TRIOBP: variants seen among roughly 807,000 people sequenced by gnomAD.
The protein encoded by TRIOBP is TRIO and F-actin-binding protein.
TRIOBP carries 169 observed loss-of-function variants against 238.8 expected under a neutral mutation model. The ratio of observed to expected loss-of-function variants is 0.71; its 90% CI spans 0.62 to 0.80. The LOEUF (loss-of-function observed/expected upper bound fraction) is 0.80. TRIOBP is among the 30% of genes least tolerant of loss of function. TRIOBP has a pLI of 0.00. For synonymous variants in TRIOBP, 1,150 were observed against 1,274.4 expected, an observed-to-expected ratio of 0.90 and a Z score of 2.08; for missense variants, 2,838 against 3,122.6, an observed-to-expected ratio of 0.91 and a Z score of 2.17.
At chr22:37,742,908 T>A (rs1471115735) in intron 11 of TRIOBP, among the ~76,000 whole-genome samples, 1 of 152,156 alleles carries the variant, frequency 6.6e-6, no homozygotes, top group African/African-American at 2.4e-5. Flanking sequence ...TTACAGATGA[T>A]GAAGTGAAGC....
At chr22:37,773,100 C>T (rs989559126) in intron 23 of TRIOBP, among the ~76,000 whole-genome samples, 1 of 152,246 alleles carries the variant, frequency 6.6e-6, no homozygotes, top group Admixed American at 6.5e-5. Context: ...GAGCTTCACA[C>T]ACACACATCG....
At chr22:37,747,368 C>T (rs763888187) in intron 11 of TRIOBP, among the ~76,000 whole-genome samples, 2 of 152,136 alleles carry the variant, frequency 1.3e-5, no homozygotes, top group East Asian at 1.9e-4. Flanking sequence ...CCCAGTGGCC[C>T]TCCTGGGGGA....
At position 37,773,830 on chromosome 22, in the gene TRIOBP, C is replaced by T. The variant is rs1926899504; in HGVS notation, c.*50C>T. On this transcript the variant is annotated 3_prime_UTR_variant, in exon 24 of 24. Transcript: ENST00000644935. ...CCAGGCTGGAGGACCAGCCGCCCTCCTTCCCTCCTGGATGGAAGTAAAAAG... is the reference window on the plus strand; with the variant it reads ...CCAGGCTGGAGGACCAGCCGCCCTCTTTCCCTCCTGGATGGAAGTAAAAAG... The T allele has an allele frequency of 6.5e-6, 1 of 152,824 alleles. No individual in the cohort carries two copies. Among genetic ancestry groups the T allele is most frequent in the Non-Finnish European group, 1.5e-5 (1 of 68,220 alleles). The allele number at this position is 152,824 out of a possible 1,614,324, so 9.5% of individuals were successfully genotyped here.
chr22:37,746,048 G>GCCGTCCCGCCGTCCCA (rs1925223757), intron 11 of TRIOBP, among the ~76,000 whole-genome samples: 1 of 60,438 alleles, frequency 1.7e-5, no homozygotes, highest in South Asian at 5.4e-4. Flanking sequence ...CGCCCACCCC[G>GCCGTCCCGCCGTCCCA]CCGTCCCGCC....
At position 37,726,028 on chromosome 22, in the gene TRIOBP, C is replaced by T. The variant is rs1924134443; in HGVS notation, c.3472C>T (p.Pro1158Ser). ...TTCCATGGACTCTCTGCACGAGTGC[C>T]CCCACATCCCCACCCCTGTGTGCAT... ...VPSMDSLHEC[P>S]HIPTPVCIGH... is the part of the protein sequence containing the mutation. Residue 1158 changes from proline to serine, a missense_variant, in exon 7 of 24, where the codon CCC (proline) becomes TCC (serine). Physicochemically the swap from Pro to Ser is moderately conservative, Grantham distance 74 (BLOSUM62 -1). This residue lies in a region of TRIOBP where 2,096 missense variants were observed against 2,137.4 expected (regional missense o/e 0.98). Transcript: ENST00000644935. 6.2e-7 allele frequency: 1 copy of T among 1,603,860 alleles called. No homozygotes were observed.
intron 11 of TRIOBP, among the ~76,000 whole-genome samples, chr22:37,745,550 C>T (rs1462841895): frequency 1.3e-5 from 2 of 152,130 alleles, no homozygotes; most frequent in East Asian, 3.9e-4. Flanking sequence ...CCTGAAAAAC[C>T]CCAAACCAAA....
At chr22:37,719,048 A>G (rs1252246759) in intron 6 of TRIOBP, among the ~76,000 whole-genome samples, 1 of 150,004 alleles carries the variant, frequency 6.7e-6, no homozygotes, top group African/African-American at 2.4e-5. Flanking sequence ...GGGTTTCACC[A>G]TGTTGAGCCT....
rs377754533 is a variant in TRIOBP, at chr22:37,772,718, G to A, written c.7054G>A (p.Ala2352Thr). ...LKEHLRLAMA[A>T]LQEKESMRNS... is the part of the protein sequence containing the mutation. ...GGAGCACCTGCGTCTTGCCATGGCC[G>A]CCCTCCAGGAGAAGGAGTCGATGCG... The change falls in exon 23 of 24, where the codon GCC (alanine) becomes ACC (threonine). Residue 2352 changes from alanine (A) to threonine (T), a missense_variant. This residue lies in a region of TRIOBP where 2,096 missense variants were observed against 2,137.4 expected (regional missense o/e 0.98). Transcript: ENST00000644935. 29 of 1,613,880 alleles carry A rather than the reference G, an allele frequency of 1.8e-5. No homozygotes were observed. Among genetic ancestry groups the A allele is most frequent in the South Asian group, 3.3e-5 (3 of 91,086 alleles).
chr22:37,722,354 G>A lies in TRIOBP; in HGVS notation c.629-831G>A, dbSNP rs138835397. Among the ~76,000 whole-genome samples the A allele has an allele frequency of 9.5e-3, 1,433 of 151,556 alleles. 22 individuals are homozygous for A. Among genetic ancestry groups the A allele is most frequent in the African/African-American group, 0.033 (1,378 of 41,284 alleles). Reference sequence around the variant, plus strand: ...GAGGCAGGAGAATCATTTGAACCCAGGAGGCTTAGGTTGCGGTGAGCCGAG... The same window carrying A: ...GAGGCAGGAGAATCATTTGAACCCAAGAGGCTTAGGTTGCGGTGAGCCGAG... On this transcript the variant is annotated intron_variant, in intron 6 of 23. Coordinates refer to ENST00000644935, the MANE Select transcript of TRIOBP (RefSeq NM_001039141.3).
Position 37,759,161 on chromosome 22 carries a change from C to T in TRIOBP, c.6221C>T (p.Ala2074Val). The T allele has an allele frequency of 6.2e-7, 1 of 1,611,772 alleles. No individual in the cohort carries two copies. The highest frequency in any genetic ancestry group is 1.3e-5 in the African/African-American group (1 of 75,022). ...GHEALEKEVQ[A>V]LRAQLEAWRL... ...CACCCTTCTCCCTCGTAGGTTCAGG[C>T]TCTTCGGGCCCAGCTGGAGGCGTGG... Residue 2074 changes from alanine to valine, a missense_variant, in exon 17 of 24, where the codon GCT becomes GTT. Coordinates refer to ENST00000644935, the MANE Select transcript of TRIOBP (RefSeq NM_001039141.3).
At chr22:37,698,354 C>CT (rs1175913171) in intron 2 of TRIOBP, among the ~76,000 whole-genome samples, 19,787 of 57,946 alleles carry the variant, frequency 0.34, 5,101 homozygotes, top group East Asian at 0.57. Flanking sequence ...CTGCAAGAGC[C>CT]TTTTTTTTTT....
At chr22:37,771,757 G>T in intron 22 of TRIOBP, 21 bp downstream of exon 22, 2 of 1,610,424 alleles carry the variant, frequency 1.2e-6, no homozygotes, top group Non-Finnish European at 1.7e-6. Flanking sequence ...CCGCTGGGCT[G>T]GGGGCCGTCG....
intron 12 of TRIOBP, among the ~76,000 whole-genome samples, chr22:37,753,783 A>C (rs1329131030): frequency 6.6e-6 from 1 of 152,190 alleles, no homozygotes; most frequent in Non-Finnish European, 1.5e-5. Flanking sequence ...AGAGAAAACT[A>C]AGTACTTGAA....
At chr22:37,726,854 G>A (rs546445908) in intron 7 of TRIOBP, among the ~76,000 whole-genome samples, 67 of 152,200 alleles carry the variant, frequency 4.4e-4, no homozygotes, top group African/African-American at 1.6e-3. Flanking sequence ...GTAAGGGAGG[G>A]GAACATGAGC....
In TRIOBP at chr22:37,724,805, A is replaced by G. The variant is rs538895783; in HGVS notation, c.2249A>G (p.Gln750Arg). The change falls in exon 7 of 24, where the codon CAG becomes CGG. Residue 750 changes from glutamine (Q) to arginine (R), a missense_variant. Gln to Arg is a conservative substitution (Grantham distance 43). Coordinates refer to ENST00000644935, the MANE Select transcript of TRIOBP (RefSeq NM_001039141.3). ...GACAACCCCAGAACATCCTGTGCCCAGCGGGACAATCCCAGAGCCTCCTCT... is the reference window on the plus strand; with the variant it reads ...GACAACCCCAGAACATCCTGTGCCCGGCGGGACAATCCCAGAGCCTCCTCT... The part of the protein sequence containing the change: ...QRDNPRTSCA[Q>R]RDNPRASSPN... 4 of 1,609,676 alleles carry G rather than the reference A, an allele frequency of 2.5e-6. No homozygotes were observed. The Admixed American group carries it at 5.0e-5, about 20-fold the overall frequency.
At chr22:37,737,559 G>T (rs548676410) in intron 9 of TRIOBP, among the ~76,000 whole-genome samples, 71 of 151,430 alleles carry the variant, frequency 4.7e-4, no homozygotes, top group African/African-American at 1.6e-3. Context: ...TACTTGGGAG[G>T]CTAAGACAGG....
At chr22:37,713,545 C>A in intron 5 of TRIOBP, 134 bp downstream of exon 5, 2 of 1,189,882 alleles carry the variant, frequency 1.7e-6, no homozygotes, top group South Asian at 1.2e-5. Context: ...GGACCATTAG[C>A]TGGCAGCTCG....
Position 37,734,571 on chromosome 22 carries a change from C to T in TRIOBP, c.4235C>T (p.Pro1412Leu). 6.3e-7 allele frequency: 1 copy of T among 1,585,398 alleles called. No homozygotes were observed. Among genetic ancestry groups the T allele is most frequent in the Non-Finnish European group, 8.6e-7 (1 of 1,166,074 alleles). The stretch of plus-strand genomic sequence containing the variant: ...GAGAGGGAGCTGCGGACACAGAGAC[C>T]TCTGGAGAGTGGCCAAGCAGGCCCA... ...TPERELRTQR[P>L]LESGQAGPRQ... The change falls in exon 9 of 24, where the codon CCT (proline) becomes CTT (leucine). Residue 1412 changes from proline (P) to leucine (L), a missense_variant. Coordinates refer to ENST00000644935, the MANE Select transcript of TRIOBP (RefSeq NM_001039141.3).
rs1157168700 is a variant in TRIOBP at position 37,759,196 on chromosome 22, G to C, written c.6256G>C (p.Gly2086Arg). Residue 2086 changes from glycine to arginine, a missense_variant, in exon 17 of 24, where the codon GGG becomes CGG. By Grantham distance (125) the Gly-to-Arg change is moderately radical. This residue lies in a region of TRIOBP where 2,096 missense variants were observed against 2,137.4 expected (regional missense o/e 0.98). Transcript: ENST00000644935. ...RAQLEAWRLQGEAPQSALRSQ... is the reference protein window; with the variant it reads ...RAQLEAWRLQREAPQSALRSQ... ...CCAGCTGGAGGCGTGGCGTCTCCAA[G>C]GGGAGGCTCCTCAGAGTGCACTGAG... 2 of 1,612,914 alleles carry C rather than the reference G, an allele frequency of 1.2e-6. No individual in the cohort carries two copies. Among genetic ancestry groups the C allele is most frequent in the African/African-American group, 2.7e-5 (2 of 74,898 alleles).
Sources: gnomAD v4.1 joint callset for allele counts (sites outside exome capture counted in the v4.1 genomes callset) on GRCh38, gnomAD v4.1.1 for gene constraint, gnomAD v4.1.1 regional missense constraint, MANE v1.5 for transcripts, NCBI Gene and HGNC (gene_info 2026-07-23, HGNC 2026-07-21) for gene names.